TRHDE: variants seen among roughly 807,000 people sequenced by gnomAD.
TRHDE encodes the protein thyrotropin releasing hormone degrading enzyme.
Under a neutral mutation model 125.7 loss-of-function variants are expected in TRHDE, and 72 were observed. The ratio of observed to expected loss-of-function variants is 0.57; its 90% confidence interval spans 0.47 to 0.70. The LOEUF (loss-of-function observed/expected upper bound fraction) is 0.70. Ranked by LOEUF, TRHDE falls within the 30% of genes least tolerant of loss-of-function variation. The probability of loss-of-function intolerance (pLI) is 0.00; values close to 1 mark genes in which losing one functional copy is unlikely to be tolerated. For missense variants in TRHDE, 1,110 were observed against 1,327.1 expected, an observed-to-expected ratio of 0.84 and a Z score of 2.54; for synonymous variants, 509 against 509.1, an observed-to-expected ratio of 1.00 and a Z score of 0.00.
intron 2 of TRHDE, among the ~76,000 whole-genome samples, chr12:72,287,577 G>GAC (rs10606890): frequency 0.068 from 10,033 of 147,712 alleles, 318 homozygotes; most frequent in Middle Eastern, 0.096. Context: ...TCTATGTATA[G>GAC]ACACACACAC....
intron 2 of TRHDE, among the ~76,000 whole-genome samples, chr12:72,243,290 T>C (rs1878517182): frequency 6.6e-6 from 1 of 152,218 alleles, no homozygotes; most frequent in Non-Finnish European, 1.5e-5. Context: ...GTATGCTTTT[T>C]TTCTACATTT....
At chr12:72,309,739 AAAG>A (rs1379175076) in intron 2 of TRHDE, 2 of 150,436 alleles carry the variant, frequency 1.3e-5, no homozygotes, top group African/African-American at 5.0e-5. Flanking sequence ...AAAATAAAAA[AAAG>A]AAGATGGAGT....
chr12:72,364,390 A>G (rs1169488250), intron 2 of TRHDE, among the ~76,000 whole-genome samples: 1 of 151,980 alleles, frequency 6.6e-6, no homozygotes, highest in Non-Finnish European at 1.5e-5. Context: ...GGCATTGGAC[A>G]TTTCTTAATC....
intron 6 of TRHDE, among the ~76,000 whole-genome samples, chr12:72,514,881 T>A (rs1000573931): frequency 6.8e-6 from 1 of 146,620 alleles, no homozygotes; most frequent in Non-Finnish European, 1.5e-5. Flanking sequence ...AGTGAGAATA[T>A]GTGGTGTTTG....
chr12:72,466,485 C>T (rs760331120), intron 3 of TRHDE, among the ~76,000 whole-genome samples: 78 of 152,258 alleles, frequency 5.1e-4, no homozygotes, highest in Non-Finnish European at 1.0e-3. Flanking sequence ...TGCCATCTAC[C>T]GGTGACAAAG....
At chr12:72,124,415 G>A (rs889381321) in intron 2 of TRHDE, among the ~76,000 whole-genome samples, 3 of 152,094 alleles carry the variant, frequency 2.0e-5, no homozygotes, top group African/African-American at 7.2e-5. Context: ...TTTGTTAGAA[G>A]GTGATAAGTT....
At chr12:72,578,518 G>A (rs1368785854) in intron 12 of TRHDE, among the ~76,000 whole-genome samples, 1 of 152,094 alleles carries the variant, frequency 6.6e-6, no homozygotes, top group Non-Finnish European at 1.5e-5. Context: ...CCCAGCAAAA[G>A]TAAGGTGATA....
intron 1 of TRHDE, among the ~76,000 whole-genome samples, chr12:72,105,258 A>G (rs888969829): frequency 6.6e-6 from 1 of 152,162 alleles, no homozygotes; most frequent in Non-Finnish European, 1.5e-5. Context: ...GGTGTGGGGC[A>G]TGGCTCAAGT....
chr12:72,586,662 T>C (rs979165144), intron 12 of TRHDE, among the ~76,000 whole-genome samples: 4 of 152,078 alleles, frequency 2.6e-5, no homozygotes, highest in African/African-American at 4.8e-5. Context: ...TGGAGTGCAG[T>C]TGATTCACGC....
In TRHDE at chr12:72,663,238, G is replaced by A. The variant is rs776875804; in HGVS notation, c.*43G>A. 25 of 1,473,714 alleles carry A rather than the reference G, an allele frequency of 1.7e-5. No individual in the cohort carries two copies. The South Asian group carries it at 3.3e-4, about 20-fold the overall frequency. 91.3% of individuals were successfully genotyped at this position (1,473,714 alleles called of 1,614,324 possible). On this transcript the variant is annotated 3_prime_UTR_variant, in exon 19 of 19. Coordinates refer to ENST00000261180, the MANE Select transcript of TRHDE (RefSeq NM_013381.3). ...CAAACAATTCAACTCAGAAGTTTAT[G>A]AGAAGACACGCTTTTTGTGGAATGA...
chr12:72,564,276 C>T (rs1293119097), intron 9 of TRHDE, among the ~76,000 whole-genome samples: 5 of 152,158 alleles, frequency 3.3e-5, no homozygotes, highest in Admixed American at 1.3e-4. Context: ...GGATTTCCCA[C>T]ATCTGCCAAG....
intron 9 of TRHDE, among the ~76,000 whole-genome samples, chr12:72,565,816 G>A (rs781564949): frequency 2.2e-4 from 34 of 151,744 alleles, no homozygotes; most frequent in Admixed American, 4.6e-4. Context: ...CAATGAAAAC[G>A]ACTGATAAGA....
intron 2 of TRHDE, among the ~76,000 whole-genome samples, chr12:72,182,694 A>G (rs1408126779): frequency 3.3e-5 from 5 of 152,320 alleles, no homozygotes; most frequent in African/African-American, 1.2e-4. Flanking sequence ...GCAGGCCCCA[A>G]AAGAAAGAGA....
At chr12:72,365,811 A>T (rs552460150) in intron 2 of TRHDE, among the ~76,000 whole-genome samples, 2 of 152,074 alleles carry the variant, frequency 1.3e-5, no homozygotes, top group Non-Finnish European at 2.9e-5. Context: ...CACAACACAA[A>T]CTTATTGTCT....
At chr12:72,472,247 T>C (rs1370631949) in intron 4 of TRHDE, among the ~76,000 whole-genome samples, 2 of 152,270 alleles carry the variant, frequency 1.3e-5, no homozygotes, top group African/African-American at 2.4e-5. Context: ...AGGAACATTA[T>C]CTAACTTTTC....
At chr12:72,535,148 A>G (rs1868789180) in intron 6 of TRHDE, among the ~76,000 whole-genome samples, 1 of 152,078 alleles carries the variant, frequency 6.6e-6, no homozygotes, top group Non-Finnish European at 1.5e-5. Context: ...CTTTATAATA[A>G]TTTAAATGAA....
At chr12:72,431,611 T>G (rs1240474264) in intron 3 of TRHDE, 1 of 151,958 alleles carries the variant, frequency 6.6e-6, no homozygotes, top group Non-Finnish European at 1.5e-5. Flanking sequence ...AAATACCTAA[T>G]GTTCAGATCT....
chr12:72,273,080 A>G lies in TRHDE; in HGVS notation c.437A>G (p.His146Arg). Residue 146 changes from histidine (H) to arginine (R), a missense_variant, in exon 1 of 19, where the codon CAC (histidine) becomes CGC (arginine). His to Arg is a conservative substitution (Grantham distance 29, BLOSUM62 0). This residue lies in a region of TRHDE where 248 missense variants were observed against 240.8 expected (regional missense o/e 1.03). Transcript: ENST00000261180. This position sits in a 1 kb window ranked among gnomAD's most constrained non-coding sequence, Gnocchi z 5.3. Reference sequence around the variant, plus strand: ...CCTGGATCGGCCCGGCGCAACCACCACGCAGGCGGGGACTCCTGGCAGCCC... The same window carrying G: ...CCTGGATCGGCCCGGCGCAACCACCGCGCAGGCGGGGACTCCTGGCAGCCC... The part of the protein sequence containing the change: ...SLPGSARRNH[H>R]AGGDSWQPEA... 3 of 1,525,294 alleles carry G rather than the reference A, an allele frequency of 2.0e-6. No individual in the cohort carries two copies. The highest frequency in any genetic ancestry group is 1.2e-5 in the South Asian group (1 of 82,374). The allele number at this position is 1,525,294 out of a possible 1,614,324, so 94.5% of individuals were successfully genotyped here.
chr12:72,356,093 G>A (rs1870804193), intron 2 of TRHDE, among the ~76,000 whole-genome samples: 1 of 151,740 alleles, frequency 6.6e-6, no homozygotes, highest in South Asian at 2.1e-4. Flanking sequence ...GCAAGAGAAT[G>A]TTCATTGCAG....
Sources: allele counts gnomAD v4.1 joint callset (sites outside exome capture counted in the v4.1 genomes callset), GRCh38; gene constraint gnomAD v4.1.1; regional missense constraint gnomAD v4.1.1; non-coding constraint Gnocchi (gnomAD v3.1); transcripts MANE v1.5; gene names NCBI Gene and HGNC (gene_info 2026-07-23, HGNC 2026-07-21).